The following BAZ1A variants were observed in gnomAD, a reference collection of about 807,000 sequenced individuals.
BAZ1A encodes bromodomain adjacent to zinc finger domain protein 1A.
In BAZ1A, 50 loss-of-function variants were observed where a neutral mutation model predicts 185.2. That is an observed-to-expected ratio of 0.27 (90% CI 0.22 to 0.34). BAZ1A has a LOEUF of 0.34. Among genes scored for constraint, BAZ1A ranks in the 10% least tolerant of loss-of-function variants. The probability of loss-of-function intolerance (pLI) is 1.00; values close to 1 mark genes in which losing one functional copy is unlikely to be tolerated. For missense variants in BAZ1A, 1,356 were observed against 1,839.9 expected (o/e 0.74, Z 4.81); for synonymous variants, 571 against 615.6 (o/e 0.93, Z 1.07).
chr14:34,794,117 G>C (rs1437417235), intron 11 of BAZ1A, among the ~76,000 whole-genome samples: 1 of 151,656 alleles, frequency 6.6e-6, no homozygotes, highest in Non-Finnish European at 1.5e-5. Context: ...AGGTGACAGA[G>C]CAAGACTGTC....
rs2042778891 is a variant in BAZ1A at position 34,862,112 on chromosome 14, G to T, written c.324C>A (p.Ile108=). The T allele has an allele frequency of 1.2e-6, 2 of 1,614,188 alleles. No homozygotes were observed. Among genetic ancestry groups the T allele is most frequent in the South Asian group, 2.2e-5 (2 of 91,086 alleles). ...AATATCGATCCTTGACATATGCAAA[G>T]ATATCATCACAAATTTCATGTAAGC... ...RSRLHEICDD[I]FAYVKDRYFV... is the part of the protein sequence containing the mutation. Residue 108 remains isoleucine, a synonymous_variant, in exon 3 of 27, where the codon ATC becomes ATA. Transcript: ENST00000360310.
intron 3 of BAZ1A, among the ~76,000 whole-genome samples, chr14:34,837,488 C>T (rs2042348499): frequency 6.7e-6 from 1 of 150,316 alleles, no homozygotes; most frequent in African/African-American, 2.5e-5. Context: ...ATCCTCCTGC[C>T]TCAGTCTCTC....
At chr14:34,789,210 T>C (rs1466694860) in intron 12 of BAZ1A, among the ~76,000 whole-genome samples, 1 of 152,154 alleles carries the variant, frequency 6.6e-6, no homozygotes, top group Admixed American at 6.5e-5. Context: ...AGATACAAAG[T>C]TGTAAAAGGT....
intron 4 of BAZ1A, among the ~76,000 whole-genome samples, chr14:34,818,957 C>CAT: frequency 6.6e-6 from 1 of 151,422 alleles, no homozygotes; most frequent in African/African-American, 2.4e-5. Context: ...CTGGCTAATC[C>CAT]GGTGAAACCC....
chr14:34,783,217 C>G lies in BAZ1A; in HGVS notation c.2013G>C (p.Lys671Asn). The change falls in exon 16 of 27, where the codon AAG (lysine) becomes AAC (asparagine). Residue 671 changes from lysine to asparagine, a missense_variant. Coordinates refer to ENST00000360310, the MANE Select transcript of BAZ1A (RefSeq NM_013448.3). Reference sequence around the variant, plus strand: ...GTTCTTGCTCCTTAAGTTTTTCTTCCTTCCTTTTACGAATTCTAAAAGTTA... The same window carrying G: ...GTTCTTGCTCCTTAAGTTTTTCTTCGTTCCTTTTACGAATTCTAAAAGTTA... ...EEAAARIRKR[K>N]EEKLKEQEQK... 1 of 1,588,726 alleles carries G rather than the reference C, an allele frequency of 6.3e-7. No individual in the cohort carries two copies. The highest frequency in any genetic ancestry group is 8.6e-7 in the Non-Finnish European group (1 of 1,162,370).
Position 34,778,159 on chromosome 14 carries a change from T to C in BAZ1A, c.2237-1644A>G, listed in dbSNP as rs149478549. The stretch of plus-strand genomic sequence containing the variant: ...TAGGCACAACTAAATGAAAAACTTT[T>C]GTTCAAAGAGATGGGATCAGAAGCA... On this transcript the variant is annotated intron_variant, in intron 17 of 26. Transcript: ENST00000360310. 4.0e-4 allele frequency among the ~76,000 whole-genome samples: 61 copies of C among 152,350 alleles called. 2 individuals are homozygous for C. In the East Asian group the frequency reaches 0.012, roughly 29 times the overall value.
At chr14:34,770,603 AAAAC>A (rs1879146469) in intron 21 of BAZ1A, among the ~76,000 whole-genome samples, 1 of 152,142 alleles carries the variant, frequency 6.6e-6, no homozygotes, top group African/African-American at 2.4e-5. Flanking sequence ...ACATCTCAAA[AAAAC>A]AACAGGGAAT....
intron 2 of BAZ1A, among the ~76,000 whole-genome samples, chr14:34,872,913 T>TAAAA (rs35955993): frequency 0.027 from 2,088 of 76,092 alleles, 153 homozygotes; most frequent in East Asian, 0.039. Context: ...TTTAAAATCC[T>TAAAA]AAAAAAAAAA....
intron 3 of BAZ1A, among the ~76,000 whole-genome samples, chr14:34,853,020 A>C (rs1010538981): frequency 6.6e-6 from 1 of 151,586 alleles, no homozygotes. Context: ...AAGCGTACAG[A>C]TGATCAATAA....
chr14:34,762,352 G>T, intron 23 of BAZ1A, 129 bp from the exon 24 acceptor site: 1 of 794,620 alleles, frequency 1.3e-6, no homozygotes, highest in Non-Finnish European at 2.0e-6. Flanking sequence ...ACTTATCCTA[G>T]ACTCAATTCC....
intron 21 of BAZ1A, among the ~76,000 whole-genome samples, chr14:34,766,456 T>C (rs868697435): frequency 6.6e-6 from 1 of 151,664 alleles, no homozygotes; most frequent in Non-Finnish European, 1.5e-5. Context: ...TCGGGTAGGG[T>C]GAGATTGACA....
At chr14:34,799,691 A>C (rs1273546560) in intron 9 of BAZ1A, among the ~76,000 whole-genome samples, 1 of 151,454 alleles carries the variant, frequency 6.6e-6, no homozygotes, top group Non-Finnish European at 1.5e-5. Flanking sequence ...GGCTCACTGT[A>C]ACCTCCACCT....
chr14:34,799,786 A>G (rs549653081), intron 9 of BAZ1A, among the ~76,000 whole-genome samples: 73 of 151,986 alleles, frequency 4.8e-4, no homozygotes, highest in African/African-American at 1.7e-3. Flanking sequence ...TAAGTTTTGT[A>G]TTTTTAGTAG....
At chr14:34,866,724 AAAC>A (rs1261465726) in intron 2 of BAZ1A, among the ~76,000 whole-genome samples, 1 of 151,982 alleles carries the variant, frequency 6.6e-6, no homozygotes, top group African/African-American at 2.4e-5. Context: ...CTAATAACTT[AAAC>A]AATACTTAGT....
rs1886102123 is a variant in BAZ1A at position 34,753,413 on chromosome 14, T to TCAATCAATTGTTATTGCTTTA, written c.*74_*94dup. 2.4e-6 allele frequency: 3 copies of TCAATCAATTGTTATTGCTTTA among 1,246,932 alleles called. No individual in the cohort carries two copies. Among genetic ancestry groups the TCAATCAATTGTTATTGCTTTA allele is most frequent in the Non-Finnish European group, 3.4e-6 (3 of 877,646 alleles). The allele number at this position is 1,246,932 out of a possible 1,614,324, so 77.2% of individuals were successfully genotyped here. ...TAGTGCAGGCCACACTTTCATGTGGTCAATCAATTGTTATTGCTTTATACA... is the reference window on the plus strand; with the variant it reads ...TAGTGCAGGCCACACTTTCATGTGGTCAATCAATTGTTATTGCTTTACAATCAATTGTTATTGCTTTATACA... On this transcript the variant is annotated 3_prime_UTR_variant, in exon 27 of 27. Transcript: ENST00000360310.
At chr14:34,792,956 C>T in intron 11 of BAZ1A, 35 bp from the exon 12 acceptor site, 1 of 1,583,562 alleles carries the variant, frequency 6.3e-7, no homozygotes, top group Non-Finnish European at 8.6e-7. Flanking sequence ...ATTTAAAGTT[C>T]TGTTCATGTA....
In BAZ1A at chr14:34,805,060, T is replaced by G. The variant is rs528978914; in HGVS notation, c.727-2072A>C. Reference sequence around the variant, plus strand: ...CCTTGCTGTTCATGAGATCTGGTTGTTTGAATGTAGCACCTCCCACTTCAC... The same window carrying G: ...CCTTGCTGTTCATGAGATCTGGTTGGTTGAATGTAGCACCTCCCACTTCAC... On this transcript the variant is annotated intron_variant, in intron 6 of 26. Transcript: ENST00000360310. Among the ~76,000 whole-genome samples the G allele has an allele frequency of 1.2e-4, 18 of 152,302 alleles. No homozygotes were observed. The South Asian group carries it at 2.3e-3, about 19-fold the overall frequency.
intron 3 of BAZ1A, among the ~76,000 whole-genome samples, chr14:34,846,639 A>AT (rs1488479098): frequency 6.6e-6 from 1 of 152,240 alleles, no homozygotes; most frequent in Non-Finnish European, 1.5e-5. Flanking sequence ...TTTTTAGCGT[A>AT]TAAAAAAAGG....
At chr14:34,825,400 T>C (rs749213826) in intron 4 of BAZ1A, among the ~76,000 whole-genome samples, 4 of 128,316 alleles carry the variant, frequency 3.1e-5, no homozygotes, top group East Asian at 2.2e-4. Context: ...TGAGCCGAGA[T>C]TGCACCATTG....
Sources: allele counts gnomAD v4.1 joint callset (sites outside exome capture counted in the v4.1 genomes callset), GRCh38; gene constraint gnomAD v4.1.1; transcripts MANE v1.5; gene names NCBI Gene and HGNC (gene_info 2026-07-23, HGNC 2026-07-21).